RYR3: variants seen among roughly 807,000 people sequenced by gnomAD.
RYR3 encodes the protein ryanodine receptor 3, also known as brain ryanodine receptor-calcium release channel.
A neutral mutation model predicts 584.3 loss-of-function variants in RYR3; 207 were observed. That is an observed-to-expected ratio of 0.35 (90% CI 0.32 to 0.40). The LOEUF (loss-of-function observed/expected upper bound fraction) is 0.40, where lower values mean the gene tolerates loss of function less well. Among genes scored for constraint, RYR3 ranks in the 10% least tolerant of loss-of-function variants. The probability of loss-of-function intolerance (pLI) is 1.00; values close to 1 mark genes in which losing one functional copy is unlikely to be tolerated. For synonymous variants in RYR3, 2,416 were observed against 2,248.5 expected, an observed-to-expected ratio of 1.07 and a Z score of -2.11; for missense variants, 5,616 against 6,089.2, an observed-to-expected ratio of 0.92 and a Z score of 2.59.
At chr15:33,739,502 A>G (rs1038070751) in intron 50 of RYR3, among the ~76,000 whole-genome samples, 1 of 145,800 alleles carries the variant, frequency 6.9e-6, no homozygotes, top group African/African-American at 2.6e-5. Context: ...CTTAGCAGAC[A>G]AGTTTATAGT....
chr15:33,858,331 A>C, intron 99 of RYR3: 1 of 174,972 alleles, frequency 5.7e-6, no homozygotes. Context: ...CAGCCTCCCT[A>C]GTAGCTGGGA....
chr15:33,400,368 C>T (rs1477061945), intron 1 of RYR3, among the ~76,000 whole-genome samples: 9 of 152,160 alleles, frequency 5.9e-5, no homozygotes, highest in Non-Finnish European at 7.3e-5. Context: ...GGACTCCTTC[C>T]CCCCGCCACA....
At chr15:33,782,546 A>G (rs2152904096) in intron 65 of RYR3, among the ~76,000 whole-genome samples, 1 of 152,158 alleles carries the variant, frequency 6.6e-6, no homozygotes, top group East Asian at 1.9e-4. Flanking sequence ...TATGGCTCTT[A>G]AAAAGTTTAT....
intron 37 of RYR3, among the ~76,000 whole-genome samples, chr15:33,670,200 A>T (rs1466276029): frequency 6.6e-6 from 1 of 151,372 alleles, no homozygotes; most frequent in African/African-American, 2.4e-5. Context: ...ATGTTTTAGG[A>T]TTAAACTTAC....
In RYR3 at chr15:33,412,935, C is replaced by CT. The variant is rs34975702; in HGVS notation, c.52-60483dup. ...AAAAAATTCTGTTCAAGAAACTAGC[C>CT]TATGTACTCCATCTTTCTCTTTCTG... On this transcript the variant is annotated intron_variant, in intron 1 of 103. Coordinates refer to ENST00000634891, the MANE Select transcript of RYR3 (RefSeq NM_001036.6). The surrounding 1 kb of genome is among the most constrained non-coding windows in gnomAD (Gnocchi z 4.3). 0.076 allele frequency among the ~76,000 whole-genome samples: 11,631 copies of CT among 152,102 alleles called. 1,509 individuals carry two copies. Among genetic ancestry groups the CT allele is most frequent in the African/African-American group, 0.27 (11,032 of 41,388 alleles).
At chr15:33,343,428 C>T (rs915210834) in intron 1 of RYR3, among the ~76,000 whole-genome samples, 1 of 152,176 alleles carries the variant, frequency 6.6e-6, no homozygotes, top group South Asian at 2.1e-4. Flanking sequence ...TTTGTGGCAC[C>T]TCCTGCTGAA....
At chr15:33,859,534 C>G (rs1011162092) in intron 99 of RYR3, 41 bp from the exon 100 acceptor site, 3 of 1,609,954 alleles carry the variant, frequency 1.9e-6, no homozygotes, top group Non-Finnish European at 2.5e-6. Flanking sequence ...AAAAACAGAA[C>G]TGTGACTTTT....
Position 33,580,140 on chromosome 15 carries a change from A to G in RYR3, c.1433A>G (p.Glu478Gly), listed in dbSNP as rs1459164149. The G allele has an allele frequency of 1.2e-6, 2 of 1,600,360 alleles. No homozygotes were observed. Among genetic ancestry groups the G allele is most frequent in the African/African-American group, 1.3e-5 (1 of 74,568 alleles). Residue 478 changes from glutamate (E) to glycine (G), a missense_variant, in exon 13 of 104, where the codon GAA becomes GGA. Glu to Gly is a moderately conservative substitution (Grantham distance 98, BLOSUM62 -2). Coordinates refer to ENST00000634891, the MANE Select transcript of RYR3 (RefSeq NM_001036.6). Reference protein sequence around the residue: ...SLKNRQNLFKEEGMLALVLNC... With the variant: ...SLKNRQNLFKGEGMLALVLNC... ...AAAAACAGACAAAATCTTTTCAAGGAAGAGGTAAGTCGAAAAATGAAAAGT... is the reference window on the plus strand; with the variant it reads ...AAAAACAGACAAAATCTTTTCAAGGGAGAGGTAAGTCGAAAAATGAAAAGT...
In RYR3 at chr15:33,412,410, T is replaced by G. The variant is rs1373297733; in HGVS notation, c.52-61009T>G. Among the ~76,000 whole-genome samples the G allele has an allele frequency of 2.0e-5, 3 of 152,254 alleles. No individual in the cohort carries two copies. The South Asian group carries it at 6.2e-4, about 32-fold the overall frequency. On this transcript the variant is annotated intron_variant, in intron 1 of 103. Transcript: ENST00000634891. The surrounding 1 kb of genome is among the most constrained non-coding windows in gnomAD (Gnocchi z 4.3). The stretch of plus-strand genomic sequence containing the variant: ...CTGACAGCGGAAACCCTGGCTCTAT[T>G]TAAGGCTTCTGGAGAGAGAGCAGGT...
intron 94 of RYR3, chr15:33,850,363 C>T (rs866434927): frequency 2.0e-5 from 3 of 148,858 alleles, no homozygotes; most frequent in South Asian, 4.2e-4. Flanking sequence ...GCCTGGGCGA[C>T]AGAGCAAGAC....
At chr15:33,559,807 G>A (rs186401707) in intron 10 of RYR3, among the ~76,000 whole-genome samples, 1 of 152,280 alleles carries the variant, frequency 6.6e-6, no homozygotes, top group Non-Finnish European at 1.5e-5. Flanking sequence ...CTGAAATACT[G>A]TAATATACAG....
intron 60 of RYR3, among the ~76,000 whole-genome samples, chr15:33,760,528 G>A (rs1482826956): frequency 6.6e-6 from 1 of 152,144 alleles, no homozygotes; most frequent in Admixed American, 6.5e-5. Context: ...TAATGGTAAA[G>A]GGATCAATTC....
intron 4 of RYR3, among the ~76,000 whole-genome samples, chr15:33,531,281 G>A (rs1161640381): frequency 1.3e-5 from 2 of 151,542 alleles, no homozygotes; most frequent in Non-Finnish European, 2.9e-5. Context: ...ATGCCTCAAT[G>A]TAACTTGAAA....
chr15:33,834,319 CACACAGTG>C (rs1190874364), intron 86 of RYR3, among the ~76,000 whole-genome samples: 62 of 146,486 alleles, frequency 4.2e-4, no homozygotes, highest in Admixed American at 1.8e-3. Flanking sequence ...CACACACACA[CACACAGTG>C]AGATTAACAT....
intron 3 of RYR3, among the ~76,000 whole-genome samples, chr15:33,520,896 C>T (rs1193836521): frequency 6.6e-6 from 1 of 152,168 alleles, no homozygotes; most frequent in Non-Finnish European, 1.5e-5. Context: ...TGAAAAGTAT[C>T]AGGACTAGTG....
At chr15:33,746,181 A>G (rs755198428) in intron 53 of RYR3, 24 bp downstream of exon 53, 2 of 1,480,770 alleles carry the variant, frequency 1.4e-6, no homozygotes, top group Non-Finnish European at 1.9e-6. Flanking sequence ...CTCTGGTAAC[A>G]CTGTGTGACC....
intron 16 of RYR3, 140 bp downstream of exon 16, chr15:33,586,256 TC>T (rs2058842126): frequency 1.5e-6 from 1 of 647,266 alleles, no homozygotes; most frequent in Non-Finnish European, 2.8e-6. Context: ...AAAAAGACTT[TC>T]CCCGCATACA....
chr15:33,729,845 CA>C (rs898987805), intron 47 of RYR3, among the ~76,000 whole-genome samples: 1 of 152,156 alleles, frequency 6.6e-6, no homozygotes, highest in African/African-American at 2.4e-5. Flanking sequence ...TGGTGTCCAA[CA>C]GAGACAGAAA....
intron 10 of RYR3, among the ~76,000 whole-genome samples, 199 bp from the exon 11 acceptor site, chr15:33,562,638 C>T (rs2057469985): frequency 1.3e-5 from 2 of 152,114 alleles, no homozygotes; most frequent in African/African-American, 4.8e-5. Context: ...AACCAGAACT[C>T]GAAAGCCATT....
Sources: gnomAD v4.1 joint callset for allele counts (sites outside exome capture counted in the v4.1 genomes callset) on GRCh38, gnomAD v4.1.1 for gene constraint, Gnocchi (gnomAD v3.1) non-coding constraint, MANE v1.5 for transcripts, NCBI Gene and HGNC (gene_info 2026-07-23, HGNC 2026-07-21) for gene names.